Variants in SERPINA6 observed in about 807,000 individuals in gnomAD.
SERPINA6 encodes corticosteroid-binding globulin.
Under a neutral mutation model 26.4 loss-of-function variants are expected in SERPINA6, and 19 were observed. That is an observed-to-expected ratio of 0.72 (90% CI 0.50 to 1.06). The LOEUF is 1.06. Among genes scored for constraint, SERPINA6 ranks in the 50% least tolerant of loss-of-function variants. The probability of loss-of-function intolerance (pLI) is 0.00; values close to 1 mark genes in which losing one functional copy is unlikely to be tolerated. For missense variants in SERPINA6, 473 were observed against 504.0 expected, an observed-to-expected ratio of 0.94 and a Z score of 0.59; for synonymous variants, 196 against 199.4, an observed-to-expected ratio of 0.98 and a Z score of 0.14.
chr14:94,304,717 GAGA>G, intron 4 of SERPINA6, 114 bp from the exon 5 acceptor site: 1 of 873,086 alleles, frequency 1.1e-6, no homozygotes, highest in Non-Finnish European at 1.8e-6. Flanking sequence ...TCCAGGGTCA[GAGA>G]AGGTCACTTG....
intron 2 of SERPINA6, among the ~76,000 whole-genome samples, 168 bp from the exon 3 acceptor site, chr14:94,310,174 A>T (rs1895508177): frequency 6.6e-6 from 1 of 152,180 alleles, no homozygotes; most frequent in Non-Finnish European, 1.5e-5. Context: ...AGAAATTTAA[A>T]TCCTGTTTCA....
chr14:94,314,626 C>A lies in SERPINA6; in HGVS notation c.23G>T (p.Cys8Phe), dbSNP rs139544351. Residue 8 changes from cysteine to phenylalanine, a missense_variant, in exon 2 of 5, where the codon TGT becomes TTT. Cys to Phe is a radical substitution (Grantham distance 205). Transcript: ENST00000341584. ...GCCGCTGGTGGGCAGCCAGAGAAGACAGGTGTACAGGAGGAGTGGCATTGT... is the reference window on the plus strand; with the variant it reads ...GCCGCTGGTGGGCAGCCAGAGAAGAAAGGTGTACAGGAGGAGTGGCATTGT... MPLLLYT[C>F]LLWLPTSGLW... 9.5e-4 allele frequency: 1,535 copies of A among 1,613,892 alleles called. 23 individuals carry two copies. Among genetic ancestry groups the A allele is most frequent in the Middle Eastern group, 1.2e-3 (7 of 6,062 alleles).
intron 2 of SERPINA6, among the ~76,000 whole-genome samples, chr14:94,312,878 T>A (rs1895551946): frequency 6.6e-6 from 1 of 152,154 alleles, no homozygotes; most frequent in Non-Finnish European, 1.5e-5. Flanking sequence ...TGGCTGGGGA[T>A]CACATCTCCT....
At chr14:94,319,791 C>T (rs1895658495) in intron 1 of SERPINA6, among the ~76,000 whole-genome samples, 2 of 151,962 alleles carry the variant, frequency 1.3e-5, no homozygotes, top group African/African-American at 2.4e-5. Flanking sequence ...TACCAGGGGC[C>T]GGGGCAACGG....
At chr14:94,322,615 C>T (rs1895699373) in intron 1 of SERPINA6, among the ~76,000 whole-genome samples, 1 of 152,212 alleles carries the variant, frequency 6.6e-6, no homozygotes, top group South Asian at 2.1e-4. Context: ...CTTTGTTCCT[C>T]ATCTCTGAAG....
In SERPINA6 at chr14:94,314,081, C is replaced by A; in HGVS notation, c.568G>T (p.Asp190Tyr). Reference protein sequence around the residue: ...GKIVDLFSGLDSPAILVLVNY... With the variant: ...GKIVDLFSGLYSPAILVLVNY... ...ACCAGGACGAGGATGGCTGGGCTAT[C>A]CAGCCCTGAAAACAAGTCGACAATT... Residue 190 changes from aspartate (D) to tyrosine (Y), a missense_variant, in exon 2 of 5, where the codon GAT (aspartate) becomes TAT (tyrosine). Coordinates refer to ENST00000341584, the MANE Select transcript of SERPINA6 (RefSeq NM_001756.4). The A allele has an allele frequency of 6.2e-7, 1 of 1,614,138 alleles. No individual in the cohort carries two copies. The highest frequency in any genetic ancestry group is 8.5e-7 in the Non-Finnish European group (1 of 1,180,016).
At chr14:94,312,710 C>A (rs184614976) in intron 2 of SERPINA6, among the ~76,000 whole-genome samples, 1 of 152,248 alleles carries the variant, frequency 6.6e-6, no homozygotes, top group East Asian at 1.9e-4. Context: ...TGCTGGAGAG[C>A]AGGAAAGACC....
At chr14:94,308,246 T>A (rs1031514278) in intron 3 of SERPINA6, among the ~76,000 whole-genome samples, 1 of 152,206 alleles carries the variant, frequency 6.6e-6, no homozygotes, top group African/African-American at 2.4e-5. Flanking sequence ...ATGTTACATA[T>A]CTCTGTCTGT....
At chr14:94,314,857 G>A (rs1895591299) in intron 1 of SERPINA6, 190 bp from the exon 2 acceptor site, 2 of 632,618 alleles carry the variant, frequency 3.2e-6, no homozygotes, top group South Asian at 1.9e-5. Flanking sequence ...AATAACAGCC[G>A]TTATGATTTA....
chr14:94,317,452 C>T (rs1895627999), intron 1 of SERPINA6, among the ~76,000 whole-genome samples: 1 of 152,158 alleles, frequency 6.6e-6, no homozygotes. Flanking sequence ...GTGCCCTTTG[C>T]AGCGGGGAGG....
chr14:94,316,548 G>A (rs1895617274), intron 1 of SERPINA6, among the ~76,000 whole-genome samples: 2 of 152,124 alleles, frequency 1.3e-5, no homozygotes, highest in African/African-American at 2.4e-5. Context: ...CAAAAATAAT[G>A]TTTTACCAGC....
At chr14:94,321,810 G>A (rs1256905128) in intron 1 of SERPINA6, among the ~76,000 whole-genome samples, 1 of 152,182 alleles carries the variant, frequency 6.6e-6, no homozygotes, top group Non-Finnish European at 1.5e-5. Context: ...TGAAATCTTT[G>A]CTTAGCTTTG....
intron 1 of SERPINA6, among the ~76,000 whole-genome samples, 176 bp downstream of exon 1, chr14:94,323,091 C>T (rs1457427439): frequency 2.0e-5 from 3 of 152,186 alleles, no homozygotes; most frequent in Admixed American, 6.5e-5. Flanking sequence ...TCACAGACTC[C>T]GGGGTCTGGA....
At chr14:94,305,352 CTG>C (rs1895421840) in intron 4 of SERPINA6, among the ~76,000 whole-genome samples, 1 of 152,320 alleles carries the variant, frequency 6.6e-6, no homozygotes, top group East Asian at 1.9e-4. Context: ...AAACATCAAA[CTG>C]TTATTTACTA....
intron 3 of SERPINA6, among the ~76,000 whole-genome samples, chr14:94,307,961 A>C (rs1950661): frequency 0.47 from 71,941 of 151,740 alleles, 18,181 homozygotes; most frequent in East Asian, 0.93. Flanking sequence ...CAAAACCTAC[A>C]TGTTAATAAA....
chr14:94,316,690 A>G lies in SERPINA6; in HGVS notation c.-19-2023T>C, dbSNP rs563556845. Among the ~76,000 whole-genome samples, 8 of 152,330 alleles carry G rather than the reference A, an allele frequency of 5.3e-5. No homozygotes were observed. The South Asian group carries it at 1.5e-3, about 28-fold the overall frequency. On this transcript the variant is annotated intron_variant, in intron 1 of 4. Coordinates refer to ENST00000341584, the MANE Select transcript of SERPINA6 (RefSeq NM_001756.4). ...GGCAGTATTTCTGGAAGAAATTGGC[A>G]TATGAATCAGTGGATTGAGTTAAAG...
At chr14:94,312,676 C>T (rs542437273) in intron 2 of SERPINA6, among the ~76,000 whole-genome samples, 1 of 152,376 alleles carries the variant, frequency 6.6e-6, no homozygotes, top group East Asian at 1.9e-4. Context: ...AGAGGGCGGC[C>T]TCTCCTGGGA....
intron 2 of SERPINA6, among the ~76,000 whole-genome samples, chr14:94,312,017 A>T (rs1410406967): frequency 6.6e-6 from 1 of 152,208 alleles, no homozygotes; most frequent in Non-Finnish European, 1.5e-5. Context: ...ACATTTAGTG[A>T]TAATACCTAC....
At chr14:94,313,302 C>A (rs911391463) in intron 2 of SERPINA6, among the ~76,000 whole-genome samples, 1 of 152,198 alleles carries the variant, frequency 6.6e-6, no homozygotes, top group Non-Finnish European at 1.5e-5. Flanking sequence ...GCTTTCATGT[C>A]CAGGGGGAAT....
Sources: gnomAD v4.1 joint callset for allele counts (sites outside exome capture counted in the v4.1 genomes callset) on GRCh38, gnomAD v4.1.1 for gene constraint, MANE v1.5 for transcripts, NCBI Gene and HGNC (gene_info 2026-07-23, HGNC 2026-07-21) for gene names.